Variants in OR5P3 observed in about 807,000 individuals in gnomAD.
OR5P3 encodes olfactory receptor 5P3.
For synonymous variants in OR5P3, 172 were observed against 141.8 expected, an observed-to-expected ratio of 1.21 and a Z score of -1.51; for missense variants, 415 against 375.6, an observed-to-expected ratio of 1.10 and a Z score of -0.87.
rs1290625927 is a variant in OR5P3 at position 7,825,369 on chromosome 11, A to C, written c.604T>G (p.Ser202Ala). 1 of 1,613,030 alleles carries C rather than the reference A, an allele frequency of 6.2e-7. No homozygotes were observed. Among genetic ancestry groups the C allele is most frequent in the Non-Finnish European group, 8.5e-7 (1 of 1,180,014 alleles). ...GTGGCCACAATGATAGATCCAGAAG[A>C]GATAGCTGGAATTATTTCAAAAGTA... ...DFTFEIIPAI[S>A]SGSIIVATVC... Residue 202 changes from serine (S) to alanine (A), a missense_variant, in exon 2 of 2, where the codon TCT (serine) becomes GCT (alanine). Transcript: ENST00000641167.
intron 1 of OR5P3, among the ~76,000 whole-genome samples, chr11:7,826,729 T>C (rs908528842): frequency 5.3e-5 from 8 of 152,196 alleles, no homozygotes; most frequent in South Asian, 4.1e-4. Context: ...TGAGCCAATC[T>C]AGAGAAGACA....
chr11:7,830,509 G>A (rs1857798290), intron 1 of OR5P3, among the ~76,000 whole-genome samples: 1 of 152,174 alleles, frequency 6.6e-6, no homozygotes, highest in African/African-American at 2.4e-5. Flanking sequence ...TGGAAGCAAT[G>A]TGTTGGACAG....
intron 1 of OR5P3, among the ~76,000 whole-genome samples, chr11:7,826,468 A>C (rs1322313316): frequency 6.6e-6 from 1 of 152,230 alleles, no homozygotes; most frequent in Non-Finnish European, 1.5e-5. Flanking sequence ...AACAGAGGTC[A>C]AACAGATTAG....
chr11:7,830,282 C>T (rs1221132318), intron 1 of OR5P3, among the ~76,000 whole-genome samples: 1 of 152,106 alleles, frequency 6.6e-6, no homozygotes, highest in African/African-American at 2.4e-5. Context: ...AACTGAGATG[C>T]TTGAATAATT....
intron 1 of OR5P3, among the ~76,000 whole-genome samples, chr11:7,829,448 C>A (rs536341026): frequency 6.6e-6 from 1 of 152,028 alleles, no homozygotes; most frequent in East Asian, 1.9e-4. Context: ...AAAATAACTG[C>A]TCAATACATG....
Position 7,825,207 on chromosome 11 carries a change from T to C in OR5P3, c.766A>G (p.Thr256Ala). The C allele has an allele frequency of 6.2e-7, 1 of 1,612,698 alleles. No homozygotes were observed. The highest frequency in any genetic ancestry group is 8.5e-7 in the Non-Finnish European group (1 of 1,179,978). Residue 256 changes from threonine to alanine, a missense_variant, in exon 2 of 2, where the codon ACC (threonine) becomes GCC (alanine). Physicochemically the swap from Thr to Ala is moderately conservative, Grantham distance 58. Transcript: ENST00000641167. ...GACTTGGGCATCACATAAATGAAGGTAATGGTCCCATAGAACAGAGTGACT... is the reference window on the plus strand; with the variant it reads ...GACTTGGGCATCACATAAATGAAGGCAATGGTCCCATAGAACAGAGTGACT... ...TAVTLFYGTITFIYVMPKSSY... is the reference protein window; with the variant it reads ...TAVTLFYGTIAFIYVMPKSSY...
At chr11:7,830,485 A>G (rs1261597224) in intron 1 of OR5P3, among the ~76,000 whole-genome samples, 1 of 152,234 alleles carries the variant, frequency 6.6e-6, no homozygotes, top group East Asian at 1.9e-4. Context: ...TCAGTTATAC[A>G]TGCTATTATG....
At chr11:7,827,398 C>G (rs990151080) in intron 1 of OR5P3, among the ~76,000 whole-genome samples, 1 of 152,088 alleles carries the variant, frequency 6.6e-6, no homozygotes, top group African/African-American at 2.4e-5. Flanking sequence ...TGCCCAGCAC[C>G]TAGGGAATTG....
chr11:7,824,948 A>G lies in OR5P3; in HGVS notation c.*89T>C. 1.9e-6 allele frequency: 2 copies of G among 1,049,400 alleles called. No homozygotes were observed. 65.0% of individuals were successfully genotyped at this position (1,049,400 alleles called of 1,614,324 possible). On this transcript the variant is annotated 3_prime_UTR_variant, in exon 2 of 2. Transcript: ENST00000641167. ...CCACACTGGGTAATGGTCTATGGACAGATAAATTTTGACCACAAACACTCG... is the reference window on the plus strand; with the variant it reads ...CCACACTGGGTAATGGTCTATGGACGGATAAATTTTGACCACAAACACTCG...
chr11:7,825,239 AG>A lies in OR5P3; in HGVS notation c.733del (p.Leu245SerfsTer16), dbSNP rs746885540. On this transcript the variant is annotated frameshift_variant, in exon 2 of 2. Coordinates refer to ENST00000641167, the MANE Select transcript of OR5P3 (RefSeq NM_153445.2). LOFTEE classifies it low-confidence loss of function (END_TRUNC). ...CCCATAGAACAGAGTGACTGCAGTG[AG>A]GTGGGAGGTGCAGGTGGAGAAGGCC... ...HKAFSTCTSHLTAVTLFYGTI... is the reference protein window; with the variant it reads ...HKAFSTCTSHXTAVTLFYGTI... 10 of 1,612,888 alleles carry A rather than the reference AG, an allele frequency of 6.2e-6. No individual in the cohort carries two copies. The highest frequency in any genetic ancestry group is 8.5e-6 in the Non-Finnish European group (10 of 1,179,992).
intron 1 of OR5P3, among the ~76,000 whole-genome samples, chr11:7,826,270 C>G (rs1454210445): frequency 6.6e-6 from 1 of 151,764 alleles, no homozygotes; most frequent in Non-Finnish European, 1.5e-5. Context: ...GAGCACATTT[C>G]AGAGATGACC....
rs1192055366 is a variant in OR5P3, at chr11:7,825,664, A to G, written c.309T>C (p.Ser103=). Residue 103 remains serine, a synonymous_variant, in exon 2 of 2, where the codon TCT becomes TCC. Transcript: ENST00000641167. ...PVAGCVAQLC[S]VVTFGTAECF... is the part of the protein sequence containing the mutation. ...ACTCGGCCGTACCAAACGTCACTAC[A>G]GAACAGAGCTGGGCCACACAACCAG... 1 of 1,613,154 alleles carries G rather than the reference A, an allele frequency of 6.2e-7. No homozygotes were observed. The highest frequency in any genetic ancestry group is 8.5e-7 in the Non-Finnish European group (1 of 1,180,014).
rs1442759470 is a variant in OR5P3, at chr11:7,825,483, A to C, written c.490T>G (p.Leu164Val). 2 of 1,613,354 alleles carry C rather than the reference A, an allele frequency of 1.2e-6. No individual in the cohort carries two copies. Among genetic ancestry groups the C allele is most frequent in the Non-Finnish European group, 1.7e-6 (2 of 1,180,050 alleles). Residue 164 changes from leucine (L) to valine (V), a missense_variant, in exon 2 of 2, where the codon TTA becomes GTA. Coordinates refer to ENST00000641167, the MANE Select transcript of OR5P3 (RefSeq NM_153445.2). ...VNAWTFIGCL[L>V]RLSFCGPNKV... ...TTTGGCCCACAGAAGGACAGTCTTA[A>C]TAAGCAGCCAATGAATGTCCAAGCA...
chr11:7,829,999 G>T (rs1857790837), intron 1 of OR5P3, among the ~76,000 whole-genome samples: 1 of 152,100 alleles, frequency 6.6e-6, no homozygotes. Flanking sequence ...TTAATATAAG[G>T]TTTATTTACT....
chr11:7,828,602 A>T (rs1410917883), intron 1 of OR5P3, among the ~76,000 whole-genome samples: 1 of 152,188 alleles, frequency 6.6e-6, no homozygotes, highest in East Asian at 1.9e-4. Flanking sequence ...AGGCAATCCC[A>T]GTATCTCACC....
intron 1 of OR5P3, among the ~76,000 whole-genome samples, chr11:7,829,210 G>A (rs1006722511): frequency 2.0e-5 from 3 of 152,114 alleles, no homozygotes; most frequent in African/African-American, 7.2e-5. Context: ...CAGCAAGATG[G>A]GGAAGAATGT....
In OR5P3 at chr11:7,825,282, T is replaced by C. The variant is rs1249534289; in HGVS notation, c.691A>G (p.Thr231Ala). The C allele has an allele frequency of 1.9e-6, 3 of 1,612,892 alleles. No individual in the cohort carries two copies. Among genetic ancestry groups the C allele is most frequent in the Admixed American group, 1.7e-5 (1 of 59,950 alleles). The change falls in exon 2 of 2, where the codon ACC (threonine) becomes GCC (alanine). Residue 231 changes from threonine to alanine, a missense_variant. Thr to Ala is a moderately conservative substitution (Grantham distance 58). Coordinates refer to ENST00000641167, the MANE Select transcript of OR5P3 (RefSeq NM_153445.2). ...GAGAAGGCCTTGTGGCGGCCCTTGGTGGAGTGCATCTTCAGGATGGTGATG... is the reference window on the plus strand; with the variant it reads ...GAGAAGGCCTTGTGGCGGCCCTTGGCGGAGTGCATCTTCAGGATGGTGATG... ...ILITILKMHS[T>A]KGRHKAFSTC...
chr11:7,825,147 C>A lies in OR5P3; in HGVS notation c.826G>T (p.Val276Leu). Residue 276 changes from valine (V) to leucine (L), a missense_variant, in exon 2 of 2, where the codon GTG becomes TTG. Transcript: ENST00000641167. ...YSTDQNKVVS[V>L]FYTVVIPMLN... is the part of the protein sequence containing the mutation. ...ATGGGAATCACCACGGTGTAGAACA[C>A]AGACACCACCTTGTTCTGGTCAGTT... The A allele has an allele frequency of 6.2e-7, 1 of 1,606,906 alleles. No individual in the cohort carries two copies. Among genetic ancestry groups the A allele is most frequent in the Non-Finnish European group, 8.5e-7 (1 of 1,179,946 alleles).
Position 7,825,996 on chromosome 11 carries a change from G to C in OR5P3, c.-21-3C>G, listed in dbSNP as rs769817706. The C allele has an allele frequency of 3.2e-6, 4 of 1,244,582 alleles. No individual in the cohort carries two copies. In the South Asian group the frequency reaches 5.7e-5, roughly 18 times the overall value. The allele number at this position is 1,244,582 out of a possible 1,614,324, so 77.1% of individuals were successfully genotyped here. ...ATCTATATTGGGAATGGTGCCAACTGAAAGAAAAACAAATGAATATTATAA... is the reference window on the plus strand; with the variant it reads ...ATCTATATTGGGAATGGTGCCAACTCAAAGAAAAACAAATGAATATTATAA... On this transcript the variant is annotated splice_region_variant and splice_polypyrimidine_tract_variant and intron_variant, in intron 1 of 1. Transcript: ENST00000641167.
Sources: gnomAD v4.1 joint callset for allele counts (sites outside exome capture counted in the v4.1 genomes callset) on GRCh38, gnomAD v4.1.1 for gene constraint, MANE v1.5 for transcripts, NCBI Gene and HGNC (gene_info 2026-07-23, HGNC 2026-07-21) for gene names.